The following PPP2R5E variants were observed in gnomAD, a reference collection of about 807,000 sequenced individuals.
The protein encoded by PPP2R5E is protein phosphatase 2 regulatory subunit B'epsilon, also known as serine/threonine-protein phosphatase 2A 56 kDa regulatory subunit epsilon isoform.
A neutral mutation model predicts 65.3 loss-of-function variants in PPP2R5E; 4 were observed. That is an observed-to-expected ratio of 0.06 (90% CI 0.03 to 0.14). PPP2R5E has a LOEUF of 0.14. Ranked by LOEUF, PPP2R5E falls within the 10% of genes least tolerant of loss-of-function variation. The pLI is 1.00. For synonymous variants in PPP2R5E, 183 were observed against 187.4 expected (o/e 0.98, Z 0.19); for missense variants, 274 against 556.1 (o/e 0.49, Z 5.10).
At chr14:63,411,021 A>G (rs560631549) in intron 5 of PPP2R5E, among the ~76,000 whole-genome samples, 2 of 152,356 alleles carry the variant, frequency 1.3e-5, no homozygotes, top group South Asian at 4.1e-4. Context: ...GTCTCTGGCA[A>G]AATTTTAGGA....
At position 63,430,373 on chromosome 14, in the gene PPP2R5E, G is replaced by GCATA. The variant is rs1402372223; in HGVS notation, c.355-8280_355-8279insTATG. On this transcript the variant is annotated intron_variant, in intron 3 of 13. Transcript: ENST00000337537. ...TACATACATACATACATACATACATGCATGCATACATACATACATACATAC... is the reference window on the plus strand; with the variant it reads ...TACATACATACATACATACATACATGCATACATGCATACATACATACATACATAC... Among the ~76,000 whole-genome samples, 629 of 126,632 alleles carry GCATA rather than the reference G, an allele frequency of 5.0e-3. 1 individual carries two copies. The highest frequency in any genetic ancestry group is 0.023 in the South Asian group (95 of 4,116). 83.1% of individuals were successfully genotyped at this position (126,632 alleles called of 152,430 possible).
chr14:63,443,387 A>G (rs1888329947), intron 3 of PPP2R5E, among the ~76,000 whole-genome samples: 1 of 152,210 alleles, frequency 6.6e-6, no homozygotes, highest in Non-Finnish European at 1.5e-5. Flanking sequence ...AAAAATAATA[A>G]CAGCAAATGA....
At chr14:63,423,022 A>G (rs943726467) in intron 3 of PPP2R5E, among the ~76,000 whole-genome samples, 11 of 152,258 alleles carry the variant, frequency 7.2e-5, no homozygotes, top group Non-Finnish European at 2.9e-5. Context: ...CCATGAGTTG[A>G]TAACTGTTGA....
chr14:63,496,443 C>CAAAAAA (rs753525299), intron 2 of PPP2R5E, among the ~76,000 whole-genome samples: 24 of 118,650 alleles, frequency 2.0e-4, no homozygotes, highest in African/African-American at 4.7e-4. Context: ...GACTCTGTCT[C>CAAAAAA]AAAAAAAAAA....
chr14:63,499,748 A>G (rs1177796794), intron 2 of PPP2R5E, among the ~76,000 whole-genome samples: 1 of 151,886 alleles, frequency 6.6e-6, no homozygotes, highest in African/African-American at 2.4e-5. Context: ...AAAAAGAAAG[A>G]AACCAAGGAA....
At chr14:63,430,718 C>CT (rs1439107974) in intron 3 of PPP2R5E, among the ~76,000 whole-genome samples, 2 of 152,158 alleles carry the variant, frequency 1.3e-5, no homozygotes, top group African/African-American at 2.4e-5. Context: ...TAAGCCGATA[C>CT]TTTAATTAGG....
chr14:63,393,431 G>A lies in PPP2R5E; in HGVS notation c.849+389C>T, dbSNP rs532075255. On this transcript the variant is annotated intron_variant, in intron 8 of 13. Transcript: ENST00000337537. ...TTTCCTTTGGGAATGAAGGCGATAG[G>A]CCCGGCGCCGTGGCTCACACCTCTG... Among the ~76,000 whole-genome samples, 4 of 152,298 alleles carry A rather than the reference G, an allele frequency of 2.6e-5. No individual in the cohort carries two copies. In the East Asian group the frequency reaches 5.8e-4, roughly 22 times the overall value.
chr14:63,418,841 CT>C (rs772740856), intron 4 of PPP2R5E, among the ~76,000 whole-genome samples: 6,556 of 104,988 alleles, frequency 0.062, 108 homozygotes, highest in African/African-American at 0.14. Flanking sequence ...AATTTTTTTA[CT>C]TTTTTTTTTT....
rs181452287 is a variant in PPP2R5E, at chr14:63,397,881, C to A, written c.550-1165G>T. ...TAGCTGGGACTAAAGGCACCTACCA[C>A]CGTGCCCAGCTAATTTTTTGTATTT... On this transcript the variant is annotated intron_variant, in intron 5 of 13. Coordinates refer to ENST00000337537, the MANE Select transcript of PPP2R5E (RefSeq NM_006246.5). 3.8e-4 allele frequency among the ~76,000 whole-genome samples: 58 copies of A among 152,130 alleles called. No individual in the cohort carries two copies. The East Asian group carries it at 0.011, about 29-fold the overall frequency.
chr14:63,379,826 C>CTTT (rs558475440), intron 13 of PPP2R5E, among the ~76,000 whole-genome samples: 121 of 100,238 alleles, frequency 1.2e-3, no homozygotes, highest in African/African-American at 3.1e-3. Flanking sequence ...TATTCTCTCT[C>CTTT]TTTTTTTTTT....
At chr14:63,380,184 C>A (rs1236470746) in intron 13 of PPP2R5E, among the ~76,000 whole-genome samples, 3 of 152,016 alleles carry the variant, frequency 2.0e-5, no homozygotes, top group Non-Finnish European at 4.4e-5. Flanking sequence ...CCTGGTTCAA[C>A]TAGGATAATA....
chr14:63,453,004 T>A (rs1479961290), intron 3 of PPP2R5E: 1 of 152,242 alleles, frequency 6.6e-6, no homozygotes, highest in African/African-American at 2.4e-5. Context: ...TCTTCTGGGA[T>A]GCCAAGAAAG....
At chr14:63,542,432 A>G (rs1488671262) in intron 1 of PPP2R5E, among the ~76,000 whole-genome samples, 1 of 152,068 alleles carries the variant, frequency 6.6e-6, no homozygotes, top group East Asian at 1.9e-4. Flanking sequence ...CTCCTAACCC[A>G]CACCCCAAGC....
chr14:63,467,158 G>A (rs550290525), intron 2 of PPP2R5E, among the ~76,000 whole-genome samples: 13 of 149,962 alleles, frequency 8.7e-5, no homozygotes, highest in South Asian at 2.1e-4. Flanking sequence ...CCTGGGAGGC[G>A]GAGCTTGCAG....
chr14:63,448,787 CAAAAAA>C (rs36096050), intron 3 of PPP2R5E, among the ~76,000 whole-genome samples: 10 of 86,608 alleles, frequency 1.2e-4, no homozygotes, highest in African/African-American at 3.4e-4. Flanking sequence ...AAGACTTCGT[CAAAAAA>C]AAAAAAAAAA....
At chr14:63,417,548 T>C (rs1376882651) in intron 4 of PPP2R5E, among the ~76,000 whole-genome samples, 2 of 152,152 alleles carry the variant, frequency 1.3e-5, no homozygotes, top group Non-Finnish European at 2.9e-5. Flanking sequence ...CACAAATGCT[T>C]TTCCATAAGA....
In PPP2R5E at chr14:63,423,288, G is replaced by C. The variant is rs189006894; in HGVS notation, c.355-1194C>G. On this transcript the variant is annotated intron_variant, in intron 3 of 13. Coordinates refer to ENST00000337537, the MANE Select transcript of PPP2R5E (RefSeq NM_006246.5). Reference sequence around the variant, plus strand: ...TTTTTGTATTTTTAAGTAGAAACCAGGTTTCACCATGTTGGTCAGGCTAGT... The same window carrying C: ...TTTTTGTATTTTTAAGTAGAAACCACGTTTCACCATGTTGGTCAGGCTAGT... 5.4e-4 allele frequency among the ~76,000 whole-genome samples: 82 copies of C among 152,198 alleles called. No homozygotes were observed. In the East Asian group the frequency reaches 0.016, roughly 29 times the overall value.
intron 3 of PPP2R5E, among the ~76,000 whole-genome samples, chr14:63,445,774 G>A (rs1006434439): frequency 1.3e-5 from 2 of 151,980 alleles, no homozygotes; most frequent in African/African-American, 2.4e-5. Context: ...CCCAGGAGGC[G>A]GAGGTTGCAG....
chr14:63,518,248 TTTTG>T (rs765802895), intron 2 of PPP2R5E, among the ~76,000 whole-genome samples: 3 of 151,978 alleles, frequency 2.0e-5, no homozygotes, highest in Non-Finnish European at 4.4e-5. Context: ...GCCCAGATTT[TTTTG>T]TTTGTTTATT....
Sources: gnomAD v4.1 joint callset for allele counts (sites outside exome capture counted in the v4.1 genomes callset) on GRCh38, gnomAD v4.1.1 for gene constraint, MANE v1.5 for transcripts, NCBI Gene and HGNC (gene_info 2026-07-23, HGNC 2026-07-21) for gene names.